Variants in NDST1 observed in about 807,000 individuals in gnomAD.
NDST1 encodes the protein N-deacetylase and N-sulfotransferase 1.
A neutral mutation model predicts 92.8 loss-of-function variants in NDST1; 35 were observed. The ratio of observed to expected loss-of-function variants is 0.38; its 90% CI spans 0.29 to 0.50. The LOEUF (loss-of-function observed/expected upper bound fraction) is 0.50, where lower values mean the gene tolerates loss of function less well. Ranked by LOEUF, NDST1 falls within the 20% of genes least tolerant of loss-of-function variation. The pLI is 0.94. For missense variants in NDST1, 822 were observed against 1,182.7 expected (o/e 0.69, Z 4.47); for synonymous variants, 493 against 500.3 (o/e 0.99, Z 0.19).
intron 1 of NDST1, among the ~76,000 whole-genome samples, chr5:150,514,706 C>CA (rs1288241659): frequency 6.6e-6 from 1 of 152,084 alleles, no homozygotes; most frequent in Non-Finnish European, 1.5e-5. Flanking sequence ...AGACCAAACT[C>CA]AAAGTCAGGA....
In NDST1 at chr5:150,548,306, G is replaced by A. The variant is rs758149838; in HGVS notation, c.2234G>A (p.Arg745His). The A allele has an allele frequency of 1.6e-5, 26 of 1,614,058 alleles. No homozygotes were observed. The highest frequency in any genetic ancestry group is 1.8e-5 in the Non-Finnish European group (21 of 1,180,038). The change falls in exon 12 of 15, where the codon CGT becomes CAT. Residue 745 changes from arginine (R) to histidine (H), a missense_variant. Arg to His is a conservative substitution (Grantham distance 29). Transcript: ENST00000261797. ...TAGSDASSKLRALQNRCLVPG... is the reference protein window; with the variant it reads ...TAGSDASSKLHALQNRCLVPG... ...GGCTCTGACGCATCCTCGAAGCTGCGTGCCCTCCAGAACCGCTGCCTGGTC... is the reference window on the plus strand; with the variant it reads ...GGCTCTGACGCATCCTCGAAGCTGCATGCCCTCCAGAACCGCTGCCTGGTC...
Position 150,513,377 on chromosome 5 carries a change from A to C in NDST1, c.-388+5151A>C, listed in dbSNP as rs3095903. 1.2e-4 allele frequency among the ~76,000 whole-genome samples: 19 copies of C among 152,102 alleles called. No individual in the cohort carries two copies. In the East Asian group the frequency reaches 3.7e-3, roughly 29 times the overall value. ...ATGGTGGCAGGTGCCTGTAATCCCC[A>C]CTACTCAGGAGGCTGAGGCTCGAAA... is the stretch of plus-strand genomic sequence containing the variant. On this transcript the variant is annotated intron_variant, in intron 1 of 14. Coordinates refer to ENST00000261797, the MANE Select transcript of NDST1 (RefSeq NM_001543.5).
chr5:150,552,811 A>G (rs936764946), intron 14 of NDST1, among the ~76,000 whole-genome samples: 1 of 152,044 alleles, frequency 6.6e-6, no homozygotes, highest in Admixed American at 6.6e-5. Context: ...TAAGAGGTGT[A>G]TGGGGGGTGG....
chr5:150,505,645 C>G (rs1187308973), upstream of NDST1, among the ~76,000 whole-genome samples: 1 of 152,164 alleles, frequency 6.6e-6, no homozygotes, highest in Non-Finnish European at 1.5e-5. Context: ...TGGCAGGAAG[C>G]TGGGGCCACT....
In NDST1 at chr5:150,543,482, G is replaced by T. The variant is rs1405715327; in HGVS notation, c.1970+511G>T. ...TTCCCAGCAGAGGGTCCTAGTAGAG[G>T]TTCCCTTAAGGGTGTGGGGGCCAGA... On this transcript the variant is annotated intron_variant, in intron 10 of 14. Transcript: ENST00000261797. Among the ~76,000 whole-genome samples, 4 of 152,322 alleles carry T rather than the reference G, an allele frequency of 2.6e-5. No homozygotes were observed. In the South Asian group the frequency reaches 6.2e-4, roughly 24 times the overall value.
chr5:150,538,857 G>A (rs1468088071), intron 6 of NDST1, among the ~76,000 whole-genome samples: 1 of 152,210 alleles, frequency 6.6e-6, no homozygotes, highest in Non-Finnish European at 1.5e-5. Flanking sequence ...GTGTGACAAC[G>A]AGTGTCACCA....
intron 2 of NDST1, among the ~76,000 whole-genome samples, chr5:150,525,214 A>T (rs1754417558): frequency 6.6e-6 from 1 of 152,146 alleles, no homozygotes; most frequent in Admixed American, 6.5e-5. Context: ...CTCGGTGCTG[A>T]GGCCCTCTAT....
At chr5:150,548,892 C>G (rs1390489236) in intron 12 of NDST1, among the ~76,000 whole-genome samples, 1 of 152,208 alleles carries the variant, frequency 6.6e-6, no homozygotes, top group Non-Finnish European at 1.5e-5. Flanking sequence ...AAGCCTGTGT[C>G]CCATCACCAC....
intron 3 of NDST1, among the ~76,000 whole-genome samples, chr5:150,530,788 G>A (rs1216367699): frequency 1.3e-5 from 2 of 152,038 alleles, no homozygotes; most frequent in Non-Finnish European, 2.9e-5. Flanking sequence ...TGGAACTCCT[G>A]GAGTCAAGTG....
intron 1 of NDST1, among the ~76,000 whole-genome samples, chr5:150,500,080 C>A (rs1753165722): frequency 1.3e-5 from 2 of 152,222 alleles, no homozygotes; most frequent in African/African-American, 2.4e-5. Context: ...TTATTTAACT[C>A]ATTCAATTGA....
upstream of NDST1, among the ~76,000 whole-genome samples, chr5:150,505,713 G>C (rs1753423406): frequency 6.6e-6 from 1 of 152,184 alleles, no homozygotes; most frequent in South Asian, 2.1e-4. Flanking sequence ...GAATAACCCA[G>C]CTTAGATTTA....
chr5:150,545,247 C>A, intron 10 of NDST1, 65 bp from the exon 11 acceptor site: 1 of 1,580,376 alleles, frequency 6.3e-7, no homozygotes, highest in Non-Finnish European at 8.7e-7. Flanking sequence ...CGCCCTTGTG[C>A]TGCATTCCCT....
At chr5:150,503,454 T>C (rs78082007), upstream of NDST1, among the ~76,000 whole-genome samples, 185 of 151,978 alleles carry the variant, frequency 1.2e-3, 4 homozygotes, top group East Asian at 0.024. Context: ...CTCAAAAAAA[T>C]AAACAAACAA....
At chr5:150,508,341 G>GTGTGTGGTA (rs79007337) in intron 1 of NDST1, 115 bp downstream of exon 1, 7,755 of 154,226 alleles carry the variant, frequency 0.05, 532 homozygotes, top group Admixed American at 0.17. Context: ...GTGTGTGTGT[G>GTGTGTGGTA]TGTGTGTGTG....
At chr5:150,504,230 CG>C (rs1029500450), upstream of NDST1, among the ~76,000 whole-genome samples, 1 of 152,166 alleles carries the variant, frequency 6.6e-6, no homozygotes, top group African/African-American at 2.4e-5. Flanking sequence ...AGGCTGTCAC[CG>C]GGCATTGCTT....
At position 150,528,203 on chromosome 5, in the gene NDST1, C is replaced by T. The variant is rs199755956; in HGVS notation, c.913C>T (p.Arg305Cys). Residue 305 changes from arginine to cysteine, a missense_variant, in exon 3 of 15, where the codon CGC becomes TGC. Transcript: ENST00000261797. Reference protein sequence around the residue: ...VDAVAFLTGKRLSLPLDRYIL... With the variant: ...VDAVAFLTGKCLSLPLDRYIL... ...TGCCGTGGCCTTCCTCACGGGGAAG[C>T]GCCTCTCCCTGCCATTGGACCGCTA... 4.0e-5 allele frequency: 64 copies of T among 1,614,178 alleles called. No homozygotes were observed. The highest frequency in any genetic ancestry group is 1.3e-4 in the East Asian group (6 of 44,884).
rs891590236 is a variant in NDST1, at chr5:150,526,790, G to A, written c.514-1014G>A. 5.1e-4 allele frequency among the ~76,000 whole-genome samples: 77 copies of A among 152,212 alleles called. 1 individual carries two copies. Among genetic ancestry groups the A allele is most frequent in the Non-Finnish European group, 1.8e-4 (12 of 68,038 alleles). On this transcript the variant is annotated intron_variant, in intron 2 of 14. Coordinates refer to ENST00000261797, the MANE Select transcript of NDST1 (RefSeq NM_001543.5). ...ATTGGCACAGGAACAAGGACAAATT[G>A]TACCATATTCAGGGGCAGGTGGCTG...
At chr5:150,512,721 A>G (rs4036623) in intron 1 of NDST1, among the ~76,000 whole-genome samples, 5,209 of 152,282 alleles carry the variant, frequency 0.034, 405 homozygotes, top group Admixed American at 0.17. Flanking sequence ...TTATTAGCTT[A>G]TATTACCATG....
chr5:150,539,224 T>G lies in NDST1; in HGVS notation c.1438-4T>G. ...ATAGCTCCTCTCCCCCACCCCCTCC[T>G]CAGGTTCTCCCACGGCAGACCTGCG... On this transcript the variant is annotated splice_polypyrimidine_tract_variant and splice_region_variant and intron_variant, in intron 6 of 14. Coordinates refer to ENST00000261797, the MANE Select transcript of NDST1 (RefSeq NM_001543.5). The G allele has an allele frequency of 6.3e-7, 1 of 1,585,992 alleles. No individual in the cohort carries two copies. The highest frequency in any genetic ancestry group is 8.6e-7 in the Non-Finnish European group (1 of 1,157,992).
Sources: gnomAD v4.1 joint callset for allele counts (sites outside exome capture counted in the v4.1 genomes callset) on GRCh38, gnomAD v4.1.1 for gene constraint, MANE v1.5 for transcripts, NCBI Gene and HGNC (gene_info 2026-07-23, HGNC 2026-07-21) for gene names.